The following EMILIN2 variants were observed in gnomAD, a reference collection of about 807,000 sequenced individuals.
The protein encoded by EMILIN2 is EMILIN-2.
In EMILIN2, 71 loss-of-function variants were observed where a neutral mutation model predicts 87.1. The observed-to-expected ratio is 0.82, with a 90% CI of 0.67 to 0.99. EMILIN2 has a LOEUF of 0.99. Among genes scored for constraint, EMILIN2 ranks in the 50% least tolerant of loss-of-function variants. EMILIN2 has a pLI of 0.00. For missense variants in EMILIN2, 1,407 were observed against 1,371.8 expected, an observed-to-expected ratio of 1.03 and a Z score of -0.40; for synonymous variants, 581 against 563.4, an observed-to-expected ratio of 1.03 and a Z score of -0.44.
At chr18:2,852,146 T>G (rs1197489565) in intron 2 of EMILIN2, among the ~76,000 whole-genome samples, 1 of 152,224 alleles carries the variant, frequency 6.6e-6, no homozygotes, top group Non-Finnish European at 1.5e-5. Flanking sequence ...GAGAATGCAT[T>G]TCTGTGTGCA....
intron 2 of EMILIN2, among the ~76,000 whole-genome samples, chr18:2,871,135 G>T (rs1314850229): frequency 6.6e-6 from 1 of 152,108 alleles, no homozygotes; most frequent in Non-Finnish European, 1.5e-5. Context: ...ATCTTTCTGG[G>T]GGGCACACAA....
chr18:2,879,166 A>G (rs1448792918), intron 2 of EMILIN2, among the ~76,000 whole-genome samples: 1 of 152,076 alleles, frequency 6.6e-6, no homozygotes, highest in Non-Finnish European at 1.5e-5. Context: ...CAAGACGTGA[A>G]CAGATGCGCG....
intron 2 of EMILIN2, among the ~76,000 whole-genome samples, chr18:2,864,807 AG>A (rs1271269257): frequency 6.6e-6 from 1 of 151,968 alleles, no homozygotes; most frequent in Admixed American, 6.6e-5. Flanking sequence ...TATCCTGCAG[AG>A]TGTTTTCCAA....
At chr18:2,867,589 A>C (rs2143983075) in intron 2 of EMILIN2, among the ~76,000 whole-genome samples, 1 of 152,310 alleles carries the variant, frequency 6.6e-6, no homozygotes, top group South Asian at 2.1e-4. Flanking sequence ...CTGTTTAACA[A>C]AGCACATCTT....
intron 4 of EMILIN2, among the ~76,000 whole-genome samples, chr18:2,893,833 G>A (rs899170209): frequency 6.6e-6 from 1 of 152,146 alleles, no homozygotes; most frequent in African/African-American, 2.4e-5. Flanking sequence ...GTTCAGTGGG[G>A]GAGCCAGGAT....
At chr18:2,854,408 C>T (rs1014694119) in intron 2 of EMILIN2, among the ~76,000 whole-genome samples, 2 of 151,988 alleles carry the variant, frequency 1.3e-5, no homozygotes, top group Non-Finnish European at 2.9e-5. Context: ...CCTCAGGTTC[C>T]GAGGGGAGCA....
intron 2 of EMILIN2, among the ~76,000 whole-genome samples, chr18:2,870,407 TAAAC>T (rs976480703): frequency 2.0e-5 from 3 of 152,244 alleles, no homozygotes; most frequent in African/African-American, 7.2e-5. Flanking sequence ...TTTGTTTCAT[TAAAC>T]AAATATTTTT....
chr18:2,910,072 C>T (rs781367151), intron 7 of EMILIN2, among the ~76,000 whole-genome samples: 17 of 152,124 alleles, frequency 1.1e-4, no homozygotes, highest in Admixed American at 3.3e-4. Context: ...CACGCTAGTC[C>T]TCAGCATTCA....
chr18:2,846,890 A>G, upstream of EMILIN2: 5 of 988,014 alleles, frequency 5.1e-6, no homozygotes, highest in Non-Finnish European at 6.0e-6. This position sits in a 1 kb window ranked among gnomAD's most constrained non-coding sequence, Gnocchi z 5.3. Context: ...AGACGGGGAG[A>G]CTTGGTGGGG....
At chr18:2,869,786 T>TGTG (rs1568461094) in intron 2 of EMILIN2, among the ~76,000 whole-genome samples, 77 of 59,160 alleles carry the variant, frequency 1.3e-3, no homozygotes, top group African/African-American at 4.3e-3. Context: ...GTGTGTGTGT[T>TGTG]TGTGTGTGTG....
chr18:2,863,183 T>G (rs1477065037), intron 2 of EMILIN2, among the ~76,000 whole-genome samples: 2 of 152,204 alleles, frequency 1.3e-5, no homozygotes, highest in East Asian at 1.9e-4. Context: ...CTGGATTCAT[T>G]GATTCTTTTG....
At chr18:2,910,809 C>T (rs2076937107) in intron 7 of EMILIN2, among the ~76,000 whole-genome samples, 1 of 152,214 alleles carries the variant, frequency 6.6e-6, no homozygotes, top group Admixed American at 6.5e-5. Context: ...TGGCTCTTAA[C>T]TGTTATGTTA....
Position 2,880,719 on chromosome 18 carries a change from G to C in EMILIN2, c.258-4245G>C, listed in dbSNP as rs949282135. 6.6e-6 allele frequency among the ~76,000 whole-genome samples: 1 copy of C among 152,144 alleles called. No homozygotes were observed. Among genetic ancestry groups the C allele is most frequent in the African/African-American group, 2.4e-5 (1 of 41,434 alleles). On this transcript the variant is annotated intron_variant, in intron 2 of 7. Transcript: ENST00000254528. The surrounding 1 kb of genome is among the most constrained non-coding windows in gnomAD (Gnocchi z 4.1). ...ATTCTGTATCGAGTGAGCATCTCCC[G>C]TGTGCTCACAGCCCGGGGCCCCTGG...
intron 2 of EMILIN2, among the ~76,000 whole-genome samples, chr18:2,863,057 C>G (rs548143180): frequency 6.6e-6 from 1 of 152,216 alleles, no homozygotes; most frequent in East Asian, 1.9e-4. Context: ...TCTGTGGGAT[C>G]GGTGGTGATA....
chr18:2,884,593 T>G (rs2076794082), intron 2 of EMILIN2, among the ~76,000 whole-genome samples: 1 of 152,216 alleles, frequency 6.6e-6, no homozygotes, highest in Non-Finnish European at 1.5e-5. Flanking sequence ...TAGTGACACC[T>G]GAAACAAATC....
chr18:2,907,334 A>G (rs952524269), intron 5 of EMILIN2, among the ~76,000 whole-genome samples: 1 of 152,212 alleles, frequency 6.6e-6, no homozygotes, highest in African/African-American at 2.4e-5. Context: ...CGCCGGTTGG[A>G]GTACGAGTGC....
intron 2 of EMILIN2, among the ~76,000 whole-genome samples, chr18:2,873,975 A>G (rs575276356): frequency 2.8e-4 from 43 of 152,278 alleles, no homozygotes; most frequent in Non-Finnish European, 5.7e-4. Context: ...CAATAGAAGT[A>G]CAGTCCCACA....
intron 4 of EMILIN2, among the ~76,000 whole-genome samples, chr18:2,901,812 C>T (rs1032518413): frequency 2.6e-5 from 4 of 152,168 alleles, no homozygotes; most frequent in Non-Finnish European, 4.4e-5. Flanking sequence ...TGTGTGCGTT[C>T]GGCACCCCAC....
chr18:2,881,060 T>C (rs116547929), intron 2 of EMILIN2, among the ~76,000 whole-genome samples: 4,687 of 152,220 alleles, frequency 0.031, 240 homozygotes, highest in African/African-American at 0.11. Flanking sequence ...CTGGCTACTG[T>C]CTTAGTGGGA....
Sources: allele counts gnomAD v4.1 joint callset (sites outside exome capture counted in the v4.1 genomes callset), GRCh38; gene constraint gnomAD v4.1.1; non-coding constraint Gnocchi (gnomAD v3.1); transcripts MANE v1.5; gene names NCBI Gene and HGNC (gene_info 2026-07-23, HGNC 2026-07-21).